Variants in NUP133 observed in about 807,000 individuals in gnomAD.
The protein encoded by NUP133 is nucleoporin 133.
In NUP133, 66 loss-of-function variants were observed where a neutral mutation model predicts 146.2. The observed-to-expected ratio is 0.45, with a 90% CI of 0.37 to 0.55. NUP133 has a LOEUF of 0.55. Ranked by LOEUF, NUP133 falls within the 20% of genes least tolerant of loss-of-function variation. The pLI, the probability that NUP133 is intolerant of heterozygous loss-of-function variation, is 0.00. For missense variants in NUP133, 1,277 were observed against 1,374.8 expected (o/e 0.93, Z 1.12); for synonymous variants, 521 against 498.8 (o/e 1.04, Z -0.59).
Position 229,464,859 on chromosome 1 carries a change from A to T in NUP133, c.2316T>A (p.Gly772=), listed in dbSNP as rs749754132. 6.2e-7 allele frequency: 1 copy of T among 1,614,148 alleles called. No individual in the cohort carries two copies. Among genetic ancestry groups the T allele is most frequent in the South Asian group, 1.1e-5 (1 of 91,080 alleles). Residue 772 remains glycine, a synonymous_variant, in exon 18 of 26, where the codon GGT becomes GGA. Transcript: ENST00000261396. Reference sequence around the variant, plus strand: ...GGCGTATTATTACCGTTCGGATGCCACCAGGACCACTTGTTGCTGTGAAAT... The same window carrying T: ...GGCGTATTATTACCGTTCGGATGCCTCCAGGACCACTTGTTGCTGTGAAAT... ...YVPWTATSGP[G]GIRTVIIRQH...
chr1:229,456,428 T>C (rs1456066594), intron 21 of NUP133, among the ~76,000 whole-genome samples: 13 of 152,314 alleles, frequency 8.5e-5, no homozygotes, highest in Middle Eastern at 6.8e-3. Context: ...GACTCATGAA[T>C]TTTTTTGTCT....
At chr1:229,496,111 T>C (rs1056453361) in intron 6 of NUP133, 64 bp from the exon 7 acceptor site, 19 of 1,281,920 alleles carry the variant, frequency 1.5e-5, no homozygotes, top group Non-Finnish European at 2.0e-5. Context: ...GAACTATTGT[T>C]TTAAAAGTCA....
At chr1:229,464,955 A>G (rs1179599907) in intron 17 of NUP133, 80 bp from the exon 18 acceptor site, 7 of 1,519,982 alleles carry the variant, frequency 4.6e-6, no homozygotes, top group South Asian at 1.2e-5. Context: ...CATAAAAATT[A>G]TGCCTCTTCA....
intron 19 of NUP133, among the ~76,000 whole-genome samples, chr1:229,463,325 T>C (rs1280219864): frequency 6.6e-6 from 1 of 152,080 alleles, no homozygotes; most frequent in East Asian, 1.9e-4. Flanking sequence ...GGAGAAGTGA[T>C]TGGACCCAGG....
At chr1:229,480,496 A>G (rs1183211605) in intron 12 of NUP133, among the ~76,000 whole-genome samples, 5 of 152,194 alleles carry the variant, frequency 3.3e-5, no homozygotes, top group Admixed American at 6.5e-5. Flanking sequence ...TAAAATGAAA[A>G]CCAAAATAAC....
chr1:229,473,279 T>G (rs1164166574), intron 14 of NUP133, among the ~76,000 whole-genome samples: 1 of 152,156 alleles, frequency 6.6e-6, no homozygotes, highest in East Asian at 1.9e-4. Flanking sequence ...AAACTTTCCT[T>G]AGTATCTAGT....
intron 6 of NUP133, among the ~76,000 whole-genome samples, chr1:229,496,491 C>A (rs168346): frequency 0.76 from 114,740 of 151,924 alleles, 43,715 homozygotes; most frequent in Middle Eastern, 0.85. Flanking sequence ...ACAAACAAAA[C>A]AAACCAGAAA....
At chr1:229,447,764 C>T (rs901916751) in intron 24 of NUP133, among the ~76,000 whole-genome samples, 1 of 152,174 alleles carries the variant, frequency 6.6e-6, no homozygotes, top group African/African-American at 2.4e-5. Flanking sequence ...TTTGGAAGTT[C>T]CAAGCCCCTT....
intron 12 of NUP133, among the ~76,000 whole-genome samples, chr1:229,479,786 G>T (rs577740811): frequency 2.0e-5 from 3 of 152,286 alleles, no homozygotes; most frequent in Admixed American, 2.0e-4. Flanking sequence ...TGAAGCCAAG[G>T]AGGAGAAAAG....
chr1:229,501,986 A>C lies in NUP133; in HGVS notation c.405+13T>G. ...CTCCTCTATCTTGTTCCAGCTCTCT[A>C]AAGAGCCATTACCTTAGTAATAGGT... On this transcript the variant is annotated intron_variant, in intron 3 of 25. Transcript: ENST00000261396. The C allele has an allele frequency of 6.4e-7, 1 of 1,571,414 alleles. No homozygotes were observed. The highest frequency in any genetic ancestry group is 8.8e-7 in the Non-Finnish European group (1 of 1,141,434).
intron 21 of NUP133, among the ~76,000 whole-genome samples, chr1:229,454,254 C>T (rs1457021580): frequency 6.6e-6 from 1 of 152,150 alleles, no homozygotes; most frequent in Non-Finnish European, 1.5e-5. Flanking sequence ...CTGACTCCGC[C>T]CCAGGGAATG....
intron 22 of NUP133, 107 bp from the exon 23 acceptor site, chr1:229,450,712 G>GC: frequency 1.9e-6 from 1 of 518,442 alleles, no homozygotes; most frequent in Non-Finnish European, 3.3e-6. Flanking sequence ...GTTGTAGTTT[G>GC]TTTTTTGTTT....
chr1:229,482,764 C>T (rs919315869), intron 12 of NUP133, among the ~76,000 whole-genome samples: 1 of 152,144 alleles, frequency 6.6e-6, no homozygotes, highest in Non-Finnish European at 1.5e-5. Context: ...TAGCAAACGC[C>T]ATCCAAGCAA....
rs1002422465 is a variant in NUP133 at position 229,506,633 on chromosome 1, G to A, written c.183-475C>T. 9.2e-5 allele frequency among the ~76,000 whole-genome samples: 14 copies of A among 151,992 alleles called. No homozygotes were observed. The East Asian group carries it at 2.3e-3, about 25-fold the overall frequency. ...TAAGAGTCCACCAGACCTGGCCGGAGCAGTGGCTCATGTCTATAATCTCAG... is the reference window on the plus strand; with the variant it reads ...TAAGAGTCCACCAGACCTGGCCGGAACAGTGGCTCATGTCTATAATCTCAG... On this transcript the variant is annotated intron_variant, in intron 1 of 25. Transcript: ENST00000261396.
At chr1:229,465,892 C>CAAAAAAAAAAAAAAAAAAA (rs71561801) in intron 16 of NUP133, among the ~76,000 whole-genome samples, 1 of 77,368 alleles carries the variant, frequency 1.3e-5, no homozygotes, top group African/African-American at 4.4e-5. Context: ...CCATGTCTCA[C>CAAAAAAAAAAAAAAAAAAA]AAAAAAAAAA....
intron 20 of NUP133, among the ~76,000 whole-genome samples, chr1:229,460,104 A>G (rs116780736): frequency 0.018 from 2,667 of 152,302 alleles, 80 homozygotes; most frequent in African/African-American, 0.061. Flanking sequence ...GCATTTCCCT[A>G]ATGATGAGTG....
chr1:229,468,290 G>A (rs1378358151), intron 15 of NUP133, among the ~76,000 whole-genome samples: 2 of 152,126 alleles, frequency 1.3e-5, no homozygotes, highest in Non-Finnish European at 2.9e-5. Flanking sequence ...ATACTCCTTA[G>A]ACAGGTAACT....
At chr1:229,476,883 C>T (rs987785667) in intron 13 of NUP133, among the ~76,000 whole-genome samples, 2 of 146,132 alleles carry the variant, frequency 1.4e-5, no homozygotes, top group Non-Finnish European at 3.0e-5. Flanking sequence ...GAGATCGTGC[C>T]ACTGCATTCC....
chr1:229,466,641 A>C lies in NUP133; in HGVS notation c.2192T>G (p.Ile731Ser). The C allele has an allele frequency of 6.2e-7, 1 of 1,614,068 alleles. No individual in the cohort carries two copies. Among genetic ancestry groups the C allele is most frequent in the Middle Eastern group, 1.7e-4 (1 of 6,060 alleles). Residue 731 changes from isoleucine (I) to serine (S), a missense_variant, in exon 16 of 26, where the codon ATT becomes AGT. Physicochemically the swap from Ile to Ser is moderately radical, Grantham distance 142 (BLOSUM62 -2). This residue lies in a region of NUP133 where 952 missense variants were observed against 1,047.0 expected (regional missense o/e 0.91). Coordinates refer to ENST00000261396, the MANE Select transcript of NUP133 (RefSeq NM_018230.3). The stretch of plus-strand genomic sequence containing the variant: ...TTTACTATATTTTTGTACCTTGAGA[A>C]TATTGTTCACATTGATCACCACTTC... ...WAEVVINVNN[I>S]LKDMLQAASH... is the part of the protein sequence containing the mutation.
Sources: allele counts gnomAD v4.1 joint callset (sites outside exome capture counted in the v4.1 genomes callset), GRCh38; gene constraint gnomAD v4.1.1; regional missense constraint gnomAD v4.1.1; transcripts MANE v1.5; gene names NCBI Gene and HGNC (gene_info 2026-07-23, HGNC 2026-07-21).